Variants in RELN observed in about 807,000 individuals in gnomAD.
RELN encodes the protein reelin.
A neutral mutation model predicts 427.6 loss-of-function variants in RELN; 108 were observed. That is an observed-to-expected ratio of 0.25 (90% CI 0.22 to 0.30). The LOEUF (loss-of-function observed/expected upper bound fraction) is 0.30, where lower values mean the gene tolerates loss of function less well. Ranked by LOEUF, RELN falls within the 10% of genes least tolerant of loss-of-function variation. The pLI is 1.00. For missense variants in RELN, 3,715 were observed against 4,302.8 expected, an observed-to-expected ratio of 0.86 and a Z score of 3.82; for synonymous variants, 1,524 against 1,513.4, an observed-to-expected ratio of 1.01 and a Z score of -0.16.
intron 6 of RELN, among the ~76,000 whole-genome samples, chr7:103,729,297 A>G (rs1017089524): frequency 6.6e-6 from 1 of 152,164 alleles, no homozygotes; most frequent in Non-Finnish European, 1.5e-5. Flanking sequence ...CCGTTTGTTA[A>G]TTTTAAAGAA....
At chr7:103,939,635 A>G (rs1400844256) in intron 1 of RELN, among the ~76,000 whole-genome samples, 1 of 152,242 alleles carries the variant, frequency 6.6e-6, no homozygotes, top group Non-Finnish European at 1.5e-5. Flanking sequence ...TTACACTTTT[A>G]CAAATGTATC....
At chr7:103,947,759 C>G (rs1487783074) in intron 1 of RELN, among the ~76,000 whole-genome samples, 1 of 152,088 alleles carries the variant, frequency 6.6e-6, no homozygotes. Context: ...ATTATATTTC[C>G]CAGTGCAGCT....
intron 2 of RELN, among the ~76,000 whole-genome samples, chr7:103,865,271 A>G (rs1563058743): frequency 6.6e-6 from 1 of 152,114 alleles, no homozygotes; most frequent in Non-Finnish European, 1.5e-5. Context: ...AAAAAATTTC[A>G]CAATGAAGAA....
chr7:103,635,366 G>T, intron 19 of RELN, 59 bp downstream of exon 19: 2 of 1,556,630 alleles, frequency 1.3e-6, no homozygotes, highest in Non-Finnish European at 1.8e-6. Context: ...TTTGAATTAT[G>T]ATTTCCCCAG....
Position 103,604,436 on chromosome 7 carries a change from T to C in RELN, c.3056A>G (p.Gln1019Arg). The change falls in exon 23 of 65, where the codon CAA (glutamine) becomes CGA (arginine). Residue 1019 changes from glutamine (Q) to arginine (R), a missense_variant. This residue lies in a region of RELN where 2,208 missense variants were observed against 2,361.7 expected (regional missense o/e 0.93). Coordinates refer to ENST00000428762, the MANE Select transcript of RELN (RefSeq NM_005045.4). ...AATGCTGTCCAAAGCCCACTCGTCTTGAGCTGTGTAATAGCTCTGGCTCCA... is the reference window on the plus strand; with the variant it reads ...AATGCTGTCCAAAGCCCACTCGTCTCGAGCTGTGTAATAGCTCTGGCTCCA... ...FRWSQSYYTA[Q>R]DEWALDSIYI... The C allele has an allele frequency of 6.2e-7, 1 of 1,613,960 alleles. No individual in the cohort carries two copies. Among genetic ancestry groups the C allele is most frequent in the Non-Finnish European group, 8.5e-7 (1 of 1,179,876 alleles).
At chr7:103,547,520 G>C (rs1054593067) in intron 41 of RELN, among the ~76,000 whole-genome samples, 8 of 152,080 alleles carry the variant, frequency 5.3e-5, no homozygotes, top group Admixed American at 4.6e-4. Flanking sequence ...TGCTCTCAAA[G>C]TCCTGACCTC....
In RELN at chr7:103,565,566, T is replaced by C. The variant is rs2711839; in HGVS notation, c.4937-15A>G. On this transcript the variant is annotated splice_polypyrimidine_tract_variant and intron_variant, in intron 33 of 64. Transcript: ENST00000428762. The stretch of plus-strand genomic sequence containing the variant: ...ACGAGGTTTTCCTGAAAAAAAAAAA[T>C]GTGTAATGGTAGCATATATGTGTGC... 5.4e-6 allele frequency: 8 copies of C among 1,485,818 alleles called. No homozygotes were observed. The highest frequency in any genetic ancestry group is 1.8e-4 in the Middle Eastern group (1 of 5,648). 92.0% of individuals were successfully genotyped at this position (1,485,818 alleles called of 1,614,324 possible).
intron 6 of RELN, among the ~76,000 whole-genome samples, chr7:103,734,451 G>T (rs1467726381): frequency 6.6e-6 from 1 of 152,124 alleles, no homozygotes; most frequent in East Asian, 1.9e-4. Context: ...GTATCATATG[G>T]ATTGTCCACC....
In RELN at chr7:103,951,676, C is replaced by CTT. The variant is rs34437843; in HGVS notation, c.227-34493_227-34492dup. ...GTGATTTAGCTCCGACATTGCTAGC[C>CTT]TTTTTTTTTTTTAAAATACAGAGTC... On this transcript the variant is annotated intron_variant, in intron 1 of 64. Coordinates refer to ENST00000428762, the MANE Select transcript of RELN (RefSeq NM_005045.4). 1.2e-3 allele frequency among the ~76,000 whole-genome samples: 183 copies of CTT among 147,974 alleles called. 1 individual carries two copies. The highest frequency in any genetic ancestry group is 3.5e-3 in the African/African-American group (141 of 40,170).
rs557531164 is a variant in RELN, at chr7:103,522,703, G to A, written c.7491-504C>T. ...GAAGGGCATATGAATATAGGACTGG[G>A]AAGCTCAGGGATCTCAAGGGTCGTC... On this transcript the variant is annotated intron_variant, in intron 47 of 64. Transcript: ENST00000428762. Among the ~76,000 whole-genome samples the A allele has an allele frequency of 2.0e-5, 3 of 152,282 alleles. No individual in the cohort carries two copies. The South Asian group carries it at 6.2e-4, about 32-fold the overall frequency.
chr7:103,671,756 C>T (rs1339683558), intron 11 of RELN, among the ~76,000 whole-genome samples: 12 of 152,234 alleles, frequency 7.9e-5, no homozygotes, highest in Non-Finnish European at 2.9e-5. Flanking sequence ...ACTGTCTGCA[C>T]TTTATCTACC....
chr7:103,485,454 A>G (rs910118035), intron 61 of RELN, among the ~76,000 whole-genome samples: 3 of 152,204 alleles, frequency 2.0e-5, no homozygotes, highest in Non-Finnish European at 4.4e-5. Flanking sequence ...ATATTCTCAT[A>G]GCTACTGAAC....
rs774277969 is a variant in RELN, at chr7:103,566,708, C to T, written c.4640G>A (p.Arg1547Gln). ...NDNGILWHLL[R>Q]ELDFMSFLEP... ...CAGGAAGGACATGAAGTCCAACTCT[C>T]GAAGCAAATGCCAGAGTATCCCATT... Residue 1547 changes from arginine to glutamine, a missense_variant, in exon 32 of 65, where the codon CGA becomes CAA. By Grantham distance (43) the Arg-to-Gln change is conservative (BLOSUM62 1). Transcript: ENST00000428762. 31 of 1,613,952 alleles carry T rather than the reference C, an allele frequency of 1.9e-5. No homozygotes were observed. The highest frequency in any genetic ancestry group is 1.2e-4 in the Admixed American group (7 of 59,996).
At position 103,667,043 on chromosome 7, in the gene RELN, TC is replaced by T. The variant is rs574262106; in HGVS notation, c.1290-5517del. ...AGGCTTATTACTCAGGTTTTTAATT[TC>T]CCTTTGTTTTAGGTATCTGCTCATT... On this transcript the variant is annotated intron_variant, in intron 11 of 64. Transcript: ENST00000428762. 2.6e-4 allele frequency among the ~76,000 whole-genome samples: 39 copies of T among 152,356 alleles called. No homozygotes were observed. In the East Asian group the frequency reaches 5.6e-3, roughly 22 times the overall value.
intron 2 of RELN, among the ~76,000 whole-genome samples, chr7:103,884,370 G>A (rs1794677016): frequency 6.6e-6 from 1 of 152,128 alleles, no homozygotes; most frequent in African/African-American, 2.4e-5. Flanking sequence ...ACATAGGTAT[G>A]GGCAAAGACT....
intron 59 of RELN, among the ~76,000 whole-genome samples, chr7:103,490,283 C>T (rs1354493169): frequency 6.6e-6 from 1 of 152,158 alleles, no homozygotes; most frequent in African/African-American, 2.4e-5. Flanking sequence ...CCCTGCACAC[C>T]CAGCTGGTAT....
intron 41 of RELN, among the ~76,000 whole-genome samples, chr7:103,545,804 T>G (rs1830283450): frequency 6.6e-6 from 1 of 152,044 alleles, no homozygotes; most frequent in Admixed American, 6.5e-5. Context: ...CCTGGCTAAT[T>G]TTTGTATTTT....
chr7:103,867,809 G>A (rs1200581998), intron 2 of RELN, among the ~76,000 whole-genome samples: 1 of 151,908 alleles, frequency 6.6e-6, no homozygotes, highest in African/African-American at 2.4e-5. Context: ...AATAGTAAGA[G>A]AGAAAAAAAA....
chr7:103,739,688 T>A (rs757232019), intron 6 of RELN, among the ~76,000 whole-genome samples: 18 of 152,194 alleles, frequency 1.2e-4, no homozygotes, highest in Non-Finnish European at 2.1e-4. Flanking sequence ...AAACTTCACT[T>A]CTCATCTCTC....
Sources: allele counts gnomAD v4.1 joint callset (sites outside exome capture counted in the v4.1 genomes callset), GRCh38; gene constraint gnomAD v4.1.1; regional missense constraint gnomAD v4.1.1; transcripts MANE v1.5; gene names NCBI Gene and HGNC (gene_info 2026-07-23, HGNC 2026-07-21).